Variants in CTNNA2 observed in about 807,000 individuals in gnomAD.
The protein encoded by CTNNA2 is catenin alpha-2.
A neutral mutation model predicts 101.0 loss-of-function variants in CTNNA2; 42 were observed. The observed-to-expected ratio is 0.42, with a 90% CI of 0.32 to 0.54. CTNNA2 has a LOEUF of 0.54. Among genes scored for constraint, CTNNA2 ranks in the 20% least tolerant of loss-of-function variants. The probability of loss-of-function intolerance (pLI) is 0.14; values close to 1 mark genes in which losing one functional copy is unlikely to be tolerated. For missense variants in CTNNA2, 871 were observed against 1,223.1 expected, an observed-to-expected ratio of 0.71 and a Z score of 4.29; for synonymous variants, 450 against 456.4, an observed-to-expected ratio of 0.99 and a Z score of 0.18.
chr2:80,273,507 T>C (rs548277960), intron 7 of CTNNA2, among the ~76,000 whole-genome samples: 1 of 152,238 alleles, frequency 6.6e-6, no homozygotes, highest in Non-Finnish European at 1.5e-5. Flanking sequence ...ATCTGAGATG[T>C]CACTTAAAGC....
intron 3 of CTNNA2, among the ~76,000 whole-genome samples, chr2:79,751,627 G>A (rs1672052399): frequency 1.4e-5 from 2 of 147,996 alleles, no homozygotes; most frequent in Admixed American, 6.8e-5. Context: ...AAAGAAAGAA[G>A]GAAATATGAT....
In CTNNA2 at chr2:80,056,537, G is replaced by C. The variant is rs76667690; in HGVS notation, c.1056+146740G>C. On this transcript the variant is annotated intron_variant, in intron 7 of 18. Coordinates refer to ENST00000402739, the MANE Select transcript of CTNNA2 (RefSeq NM_001282597.3). ...ATATGGTAGGGGTAAAGGAAAGATAGGGATCAAGCCTCAGCGATCCTTACA... is the reference window on the plus strand; with the variant it reads ...ATATGGTAGGGGTAAAGGAAAGATACGGATCAAGCCTCAGCGATCCTTACA... Among the ~76,000 whole-genome samples the C allele has an allele frequency of 2.6e-3, 396 of 152,300 alleles. 6 individuals carry two copies. The highest frequency in any genetic ancestry group is 0.018 in the Admixed American group (281 of 15,298).
intron 14 of CTNNA2, among the ~76,000 whole-genome samples, chr2:80,586,820 T>G (rs141355623): frequency 6.6e-6 from 1 of 152,332 alleles, no homozygotes; most frequent in Non-Finnish European, 1.5e-5. Flanking sequence ...ACACATGCTA[T>G]TTAAAGCCAC....
chr2:80,580,037 T>G (rs186375939), intron 13 of CTNNA2, among the ~76,000 whole-genome samples: 88 of 152,328 alleles, frequency 5.8e-4, no homozygotes, highest in Middle Eastern at 3.4e-3. Flanking sequence ...TCACTCACTT[T>G]TGTGCACCAT....
At position 79,603,810 on chromosome 2, in the gene CTNNA2, G is replaced by GCTAT. The variant is rs1323672615; in HGVS notation, c.-5-47742_-5-47741insCTAT. Among the ~76,000 whole-genome samples the GCTAT allele has an allele frequency of 2.0e-5, 3 of 152,188 alleles. No individual in the cohort carries two copies. In the South Asian group the frequency reaches 6.2e-4, roughly 31 times the overall value. The stretch of plus-strand genomic sequence containing the variant: ...TGACCTCAGGCCATGTCCCTTAGGA[G>GCTAT]AGTAGCTTGAGGAGCTATAGTATGT... On this transcript the variant is annotated intron_variant, in intron 1 of 18. Transcript: ENST00000402739.
intron 15 of CTNNA2, among the ~76,000 whole-genome samples, chr2:80,595,246 C>A (rs551066299): frequency 6.6e-6 from 1 of 151,852 alleles, no homozygotes; most frequent in African/African-American, 2.4e-5. Context: ...TTTTTTGATA[C>A]TGTTCTAAAT....
intron 7 of CTNNA2, among the ~76,000 whole-genome samples, chr2:80,354,611 T>C (rs1378689460): frequency 6.6e-6 from 1 of 152,044 alleles, no homozygotes; most frequent in Non-Finnish European, 1.5e-5. Context: ...AGAAGAGAAG[T>C]CTTAGGGAGG....
chr2:80,159,077 A>T (rs2148941384), intron 7 of CTNNA2, among the ~76,000 whole-genome samples: 1 of 152,342 alleles, frequency 6.6e-6, no homozygotes, highest in African/African-American at 2.4e-5. Context: ...TTGGGCTATT[A>T]TGAGTAAAGC....
At chr2:80,111,961 G>T (rs1047788556) in intron 7 of CTNNA2, among the ~76,000 whole-genome samples, 2 of 152,040 alleles carry the variant, frequency 1.3e-5, no homozygotes, top group African/African-American at 4.8e-5. Flanking sequence ...TCTTTCACAG[G>T]TACTGTTCTA....
At chr2:80,046,234 C>G (rs1290367990) in intron 7 of CTNNA2, among the ~76,000 whole-genome samples, 2 of 152,178 alleles carry the variant, frequency 1.3e-5, no homozygotes, top group Non-Finnish European at 2.9e-5. Flanking sequence ...CTCTCCTGAA[C>G]TGGGTTGACC....
intron 1 of CTNNA2, among the ~76,000 whole-genome samples, chr2:79,560,090 AT>A (rs35288403): frequency 3.2e-4 from 47 of 147,560 alleles, no homozygotes; most frequent in South Asian, 8.5e-4. Context: ...CGTCAGCTAC[AT>A]TTTTTTTTTT....
intron 4 of CTNNA2, among the ~76,000 whole-genome samples, 195 bp downstream of exon 4, chr2:79,858,374 A>G (rs935021997): frequency 6.6e-6 from 1 of 151,972 alleles, no homozygotes; most frequent in African/African-American, 2.4e-5. Context: ...GTTTTGTAAG[A>G]CTCACTTGAA....
intron 7 of CTNNA2, among the ~76,000 whole-genome samples, chr2:80,148,578 C>T (rs561035393): frequency 1.3e-5 from 2 of 152,216 alleles, no homozygotes; most frequent in Non-Finnish European, 2.9e-5. Flanking sequence ...ACCAAGGCCA[C>T]CTGTCCCAGC....
At chr2:80,644,115 T>G (rs1237178118) in intron 18 of CTNNA2, among the ~76,000 whole-genome samples, 5 of 152,134 alleles carry the variant, frequency 3.3e-5, no homozygotes, top group African/African-American at 1.2e-4. Flanking sequence ...GGGGTTCAGA[T>G]GAGTGGGCCT....
intron 4 of CTNNA2, among the ~76,000 whole-genome samples, chr2:79,483,208 A>C (rs1326504330): frequency 6.6e-6 from 1 of 152,206 alleles, no homozygotes; most frequent in Non-Finnish European, 1.5e-5. Flanking sequence ...TGAGCAATAC[A>C]CTAACTTTTA....
Position 80,484,157 on chromosome 2 carries a change from G to T in CTNNA2, c.1291-60825G>T, listed in dbSNP as rs59321151. On this transcript the variant is annotated intron_variant, in intron 9 of 18. Coordinates refer to ENST00000402739, the MANE Select transcript of CTNNA2 (RefSeq NM_001282597.3). Reference sequence around the variant, plus strand: ...GAAATATATAGAAAACCAAACATTGGTTTTTTAATTTTTTTAATTTAAAGT... The same window carrying T: ...GAAATATATAGAAAACCAAACATTGTTTTTTTAATTTTTTTAATTTAAAGT... 1.0e-3 allele frequency among the ~76,000 whole-genome samples: 157 copies of T among 152,096 alleles called. 3 individuals carry two copies. In the East Asian group the frequency reaches 0.022, roughly 22 times the overall value.
At chr2:79,598,328 A>C (rs1677331395) in intron 1 of CTNNA2, among the ~76,000 whole-genome samples, 1 of 152,360 alleles carries the variant, frequency 6.6e-6, no homozygotes, top group African/African-American at 2.4e-5. Flanking sequence ...TAAACACCAC[A>C]GAGCATGATT....
chr2:80,646,611 C>T (rs1039110660), intron 18 of CTNNA2, among the ~76,000 whole-genome samples: 4 of 151,076 alleles, frequency 2.6e-5, no homozygotes, highest in African/African-American at 9.7e-5. Context: ...GTGATGCAGG[C>T]AGTGAAGCAA....
chr2:80,297,056 C>T (rs1327904717), intron 7 of CTNNA2, among the ~76,000 whole-genome samples: 1 of 152,206 alleles, frequency 6.6e-6, no homozygotes, highest in Admixed American at 6.5e-5. Flanking sequence ...CATTTCTTCT[C>T]CTGGAACCCC....
Sources: allele counts gnomAD v4.1 joint callset (sites outside exome capture counted in the v4.1 genomes callset), GRCh38; gene constraint gnomAD v4.1.1; transcripts MANE v1.5; gene names NCBI Gene and HGNC (gene_info 2026-07-23, HGNC 2026-07-21).